CMSS1: variants seen among roughly 807,000 people sequenced by gnomAD.
The protein encoded by CMSS1 is protein CMSS1.
Under a neutral mutation model 43.5 loss-of-function variants are expected in CMSS1, and 33 were observed. The observed-to-expected ratio is 0.76, with a 90% CI of 0.57 to 1.01. The LOEUF is 1.01. CMSS1 is among the 50% of genes least tolerant of loss of function. The pLI, the probability that CMSS1 is intolerant of heterozygous loss-of-function variation, is 0.00. For synonymous variants in CMSS1, 115 were observed against 117.2 expected (o/e 0.98, Z 0.12); for missense variants, 313 against 326.4 (o/e 0.96, Z 0.32).
chr3:100,060,328 C>T (rs1471742678), intron 1 of CMSS1, among the ~76,000 whole-genome samples: 1 of 152,144 alleles, frequency 6.6e-6, no homozygotes, highest in African/African-American at 2.4e-5. Flanking sequence ...CTGTTTCCCA[C>T]TCCACCTCCT....
chr3:99,989,751 AAT>A (rs1175888922), intron 1 of CMSS1, among the ~76,000 whole-genome samples: 23 of 151,698 alleles, frequency 1.5e-4, no homozygotes, highest in African/African-American at 5.6e-4. Flanking sequence ...TTAGTATGCT[AAT>A]ATGTTATCAA....
intron 1 of CMSS1, among the ~76,000 whole-genome samples, chr3:100,112,503 A>C (rs779687484): frequency 1.3e-5 from 2 of 152,244 alleles, no homozygotes; most frequent in Non-Finnish European, 2.9e-5. Flanking sequence ...TAAATTTATT[A>C]CTTAAATTTA....
At chr3:100,067,367 G>A (rs936194115) in intron 1 of CMSS1, among the ~76,000 whole-genome samples, 1 of 152,174 alleles carries the variant, frequency 6.6e-6, no homozygotes, top group African/African-American at 2.4e-5. Flanking sequence ...TGGAAAGCAG[G>A]TAACTAAGCA....
intron 1 of CMSS1, among the ~76,000 whole-genome samples, chr3:99,853,968 G>A (rs557087875): frequency 3.3e-5 from 5 of 152,190 alleles, no homozygotes; most frequent in Non-Finnish European, 4.4e-5. Flanking sequence ...AGTTGCTTGC[G>A]TGTAATGCTG....
In CMSS1 at chr3:99,987,896, A is replaced by G. The variant is rs139706914; in HGVS notation, c.65-159077A>G. ...AAACAATAATGCACATAGTTCTAGAACAGAGCTGCCAGTCTCTCATCCTGT... is the reference window on the plus strand; with the variant it reads ...AAACAATAATGCACATAGTTCTAGAGCAGAGCTGCCAGTCTCTCATCCTGT... On this transcript the variant is annotated intron_variant, in intron 1 of 9. Transcript: ENST00000421999. 7.2e-3 allele frequency among the ~76,000 whole-genome samples: 1,096 copies of G among 152,306 alleles called. 4 individuals are homozygous for G. Among genetic ancestry groups the G allele is most frequent in the African/African-American group, 1.0e-2 (415 of 41,574 alleles).
In CMSS1 at chr3:100,165,975, T is replaced by G. The variant is rs1205606758; in HGVS notation, c.356-360T>G. 2.0e-5 allele frequency among the ~76,000 whole-genome samples: 3 copies of G among 152,246 alleles called. No individual in the cohort carries two copies. The East Asian group carries it at 5.8e-4, about 29-fold the overall frequency. ...TGCTCATTATATTAACTTGCACTTC[T>G]CTGATAACTAGTGAGTTTCAACATG... is the stretch of plus-strand genomic sequence containing the variant. On this transcript the variant is annotated intron_variant, in intron 4 of 9. Transcript: ENST00000421999.
chr3:100,055,419 A>G (rs2065448189), intron 1 of CMSS1, among the ~76,000 whole-genome samples: 1 of 152,192 alleles, frequency 6.6e-6, no homozygotes, highest in Non-Finnish European at 1.5e-5. Flanking sequence ...AATTCCTAGG[A>G]CATGTTATCA....
At chr3:99,969,713 C>T (rs1028644663) in intron 1 of CMSS1, among the ~76,000 whole-genome samples, 2 of 152,014 alleles carry the variant, frequency 1.3e-5, no homozygotes, top group African/African-American at 4.8e-5. Flanking sequence ...TAGGAAGCAG[C>T]CCCACTAGAT....
At chr3:99,963,624 T>C (rs1708558144) in intron 1 of CMSS1, among the ~76,000 whole-genome samples, 1 of 152,158 alleles carries the variant, frequency 6.6e-6, no homozygotes, top group Non-Finnish European at 1.5e-5. Context: ...TTTTTTTCTT[T>C]TTTTTTAGAC....
intron 1 of CMSS1, among the ~76,000 whole-genome samples, chr3:99,997,552 G>C (rs1039270770): frequency 3.3e-5 from 5 of 152,154 alleles, no homozygotes; most frequent in African/African-American, 1.2e-4. Context: ...AATTTTGCCA[G>C]AGCCTGACTC....
chr3:100,007,528 G>A (rs1433953766), intron 1 of CMSS1, among the ~76,000 whole-genome samples: 2 of 152,146 alleles, frequency 1.3e-5, no homozygotes, highest in African/African-American at 2.4e-5. Context: ...AACAGTAAGA[G>A]ATCCGTTATG....
chr3:100,142,416 G>A (rs1012674709), intron 1 of CMSS1, among the ~76,000 whole-genome samples: 1 of 152,116 alleles, frequency 6.6e-6, no homozygotes, highest in Admixed American at 6.5e-5. Context: ...GGTATTATAA[G>A]TAATCTAGAG....
chr3:100,177,296 A>G (rs1408580184), intron 9 of CMSS1, among the ~76,000 whole-genome samples: 2 of 151,960 alleles, frequency 1.3e-5, no homozygotes, highest in Non-Finnish European at 2.9e-5. Flanking sequence ...ATGCACACAC[A>G]CATACACAGT....
intron 1 of CMSS1, among the ~76,000 whole-genome samples, chr3:100,095,798 G>A (rs1313262542): frequency 6.6e-6 from 1 of 152,098 alleles, no homozygotes; most frequent in Non-Finnish European, 1.5e-5. Flanking sequence ...AAAAGCTTCT[G>A]CCCAGCAAAG....
chr3:100,130,630 A>G (rs2066699005), intron 1 of CMSS1, among the ~76,000 whole-genome samples: 1 of 152,224 alleles, frequency 6.6e-6, no homozygotes. Context: ...CTAGCAGACT[A>G]TGGCATGTGG....
intron 1 of CMSS1, among the ~76,000 whole-genome samples, chr3:99,971,972 C>A (rs1243273678): frequency 1.3e-5 from 2 of 152,110 alleles, no homozygotes; most frequent in Non-Finnish European, 2.9e-5. Flanking sequence ...ATGGATTAGT[C>A]ATAAAATTAG....
intron 1 of CMSS1, among the ~76,000 whole-genome samples, chr3:100,146,751 A>G (rs955361620): frequency 2.0e-5 from 3 of 152,168 alleles, no homozygotes; most frequent in Non-Finnish European, 4.4e-5. Context: ...TTCCCTCCTA[A>G]GGTGACACAT....
intron 1 of CMSS1, among the ~76,000 whole-genome samples, chr3:100,089,615 G>A (rs927234206): frequency 6.6e-6 from 1 of 152,092 alleles, no homozygotes. Context: ...TTCCCATTAT[G>A]GTTCTTTATA....
chr3:99,824,239 A>G (rs1445343479), intron 1 of CMSS1, among the ~76,000 whole-genome samples: 3 of 152,116 alleles, frequency 2.0e-5, no homozygotes, highest in Non-Finnish European at 4.4e-5. Flanking sequence ...CTGTCTTAAC[A>G]TTAAGTACTC....
Sources: gnomAD v4.1 joint callset for allele counts (sites outside exome capture counted in the v4.1 genomes callset) on GRCh38, gnomAD v4.1.1 for gene constraint, MANE v1.5 for transcripts, NCBI Gene and HGNC (gene_info 2026-07-23, HGNC 2026-07-21) for gene names.